The following KCNIP1 variants were observed in gnomAD, a reference collection of about 807,000 sequenced individuals.
KCNIP1 encodes the protein potassium voltage-gated channel interacting protein 1, also known as A-type potassium channel modulatory protein KCNIP1.
In KCNIP1, 18 loss-of-function variants were observed where a neutral mutation model predicts 33.0. That is an observed-to-expected ratio of 0.55 (90% confidence interval 0.38 to 0.81). The LOEUF (loss-of-function observed/expected upper bound fraction) is 0.81, where lower values mean the gene tolerates loss of function less well. Ranked by LOEUF, KCNIP1 falls within the 30% of genes least tolerant of loss-of-function variation. KCNIP1 has a pLI of 0.00. For missense variants in KCNIP1, 238 were observed against 271.6 expected (o/e 0.88, Z 0.87); for synonymous variants, 93 against 98.3 (o/e 0.95, Z 0.32).
chr5:170,401,266 C>T (rs1272249463), intron 1 of KCNIP1, among the ~76,000 whole-genome samples: 1 of 152,184 alleles, frequency 6.6e-6, no homozygotes, highest in Non-Finnish European at 1.5e-5. Flanking sequence ...CCTTTTGTTA[C>T]ACATTAATGA....
At chr5:170,354,626 G>C (rs1282867553) in intron 1 of KCNIP1, among the ~76,000 whole-genome samples, 4 of 152,228 alleles carry the variant, frequency 2.6e-5, no homozygotes, top group African/African-American at 9.7e-5. Context: ...AGGAGTAACT[G>C]TCTGGGCAGA....
chr5:170,683,894 ATGTGTGTGTGTG>A (rs1168722972), intron 1 of KCNIP1, among the ~76,000 whole-genome samples: 1 of 91,636 alleles, frequency 1.1e-5, no homozygotes, highest in Non-Finnish European at 2.2e-5. Context: ...CAGCTAGTGT[ATGTGTGTGTGTG>A]TGTGTGTGTG....
intron 1 of KCNIP1, among the ~76,000 whole-genome samples, chr5:170,516,152 G>A (rs1755112266): frequency 6.6e-6 from 1 of 152,146 alleles, no homozygotes. Context: ...GTAGTAGACA[G>A]CAAGGATGAG....
chr5:170,604,961 A>AG (rs1462982923), intron 1 of KCNIP1, among the ~76,000 whole-genome samples: 1 of 152,224 alleles, frequency 6.6e-6, no homozygotes, highest in African/African-American at 2.4e-5. Context: ...GTTCTGAGCC[A>AG]GGGGGTCTCC....
At chr5:170,662,041 A>G (rs970487818) in intron 1 of KCNIP1, among the ~76,000 whole-genome samples, 6 of 152,160 alleles carry the variant, frequency 3.9e-5, no homozygotes, top group African/African-American at 1.2e-4. Flanking sequence ...GAGGACACCA[A>G]TCCACTACCA....
chr5:170,410,708 G>A (rs2656848), intron 1 of KCNIP1, among the ~76,000 whole-genome samples: 23,118 of 152,112 alleles, frequency 0.15, 2,934 homozygotes, highest in African/African-American at 0.35. Context: ...TTGGGAGGAA[G>A]GGAGAAAATT....
chr5:170,676,660 T>C (rs1019842164), intron 1 of KCNIP1, among the ~76,000 whole-genome samples: 1 of 152,172 alleles, frequency 6.6e-6, no homozygotes. Context: ...AAAGCCCCCA[T>C]GGCAGCAGCA....
chr5:170,395,611 A>G (rs910263886), intron 1 of KCNIP1, among the ~76,000 whole-genome samples: 1 of 152,352 alleles, frequency 6.6e-6, no homozygotes, highest in African/African-American at 2.4e-5. Flanking sequence ...GACTGTATCT[A>G]TAAGCACAAA....
intron 1 of KCNIP1, among the ~76,000 whole-genome samples, chr5:170,386,469 A>C (rs891347074): frequency 4.6e-5 from 7 of 152,144 alleles, no homozygotes; most frequent in African/African-American, 1.4e-4. Context: ...TTGCTACAAC[A>C]GTCATAGGTC....
At chr5:170,555,305 A>G in intron 1 of KCNIP1, among the ~76,000 whole-genome samples, 1 of 152,180 alleles carries the variant, frequency 6.6e-6, no homozygotes, top group East Asian at 1.9e-4. Context: ...CTTTGGGGGC[A>G]GAAGGAATGA....
chr5:170,644,844 C>G (rs1389483878), intron 1 of KCNIP1, among the ~76,000 whole-genome samples: 3 of 152,212 alleles, frequency 2.0e-5, no homozygotes, highest in Non-Finnish European at 4.4e-5. Context: ...GGGCAACTCT[C>G]AGGCCTCCAG....
At position 170,454,320 on chromosome 5, in the gene KCNIP1, A is replaced by G. The variant is rs1208697413; in HGVS notation, c.88+100356A>G. 4.6e-5 allele frequency among the ~76,000 whole-genome samples: 7 copies of G among 152,356 alleles called. No homozygotes were observed. In the South Asian group the frequency reaches 1.2e-3, roughly 27 times the overall value. Reference sequence around the variant, plus strand: ...CTCACAAAAGGTGGGAGGAAGGGACAAATTAAATTTTGGTATGCATACAGG... The same window carrying G: ...CTCACAAAAGGTGGGAGGAAGGGACGAATTAAATTTTGGTATGCATACAGG... On this transcript the variant is annotated intron_variant, in intron 1 of 7. Transcript: ENST00000377360.
At chr5:170,632,820 TTTC>T (rs905588011) in intron 1 of KCNIP1, among the ~76,000 whole-genome samples, 3 of 152,038 alleles carry the variant, frequency 2.0e-5, no homozygotes, top group Admixed American at 2.0e-4. Context: ...TGAACCTGAG[TTTC>T]TTCATCTGTA....
At chr5:170,530,024 A>G (rs1254796047) in intron 1 of KCNIP1, among the ~76,000 whole-genome samples, 1 of 152,206 alleles carries the variant, frequency 6.6e-6, no homozygotes, top group African/African-American at 2.4e-5. Flanking sequence ...AATCTGAGCA[A>G]GACCCTTTTC....
At chr5:170,429,849 A>G (rs1024339495) in intron 1 of KCNIP1, among the ~76,000 whole-genome samples, 10 of 152,242 alleles carry the variant, frequency 6.6e-5, no homozygotes, top group African/African-American at 2.4e-4. Flanking sequence ...ATTTGCCTAC[A>G]CAAAACTAAC....
chr5:170,521,005 G>A (rs1207170185), intron 1 of KCNIP1, among the ~76,000 whole-genome samples: 1 of 152,216 alleles, frequency 6.6e-6, no homozygotes, highest in Non-Finnish European at 1.5e-5. Context: ...GAAGGTATAT[G>A]TGAAATGCCT....
At chr5:170,597,807 A>G (rs1157842457) in intron 1 of KCNIP1, among the ~76,000 whole-genome samples, 1 of 6,502 alleles carries the variant, frequency 1.5e-4, no homozygotes, top group Admixed American at 4.1e-3. Context: ...ATATATATAT[A>G]TATATATATA....
intron 1 of KCNIP1, among the ~76,000 whole-genome samples, chr5:170,650,852 G>T (rs1217871565): frequency 1.3e-5 from 2 of 152,136 alleles, no homozygotes; most frequent in Non-Finnish European, 2.9e-5. Context: ...TCTTAACAAA[G>T]GGAAAAAGCA....
chr5:170,661,817 C>T (rs909698328), intron 1 of KCNIP1, among the ~76,000 whole-genome samples: 1 of 152,210 alleles, frequency 6.6e-6, no homozygotes, highest in African/African-American at 2.4e-5. Flanking sequence ...TGCTGAATGC[C>T]ACAGATTGCA....
Sources: gnomAD v4.1 joint callset for allele counts (sites outside exome capture counted in the v4.1 genomes callset) on GRCh38, gnomAD v4.1.1 for gene constraint, MANE v1.5 for transcripts, NCBI Gene and HGNC (gene_info 2026-07-23, HGNC 2026-07-21) for gene names.